Variants in SLC22A23 observed in about 807,000 individuals in gnomAD.
The protein encoded by SLC22A23 is ion transporter protein.
SLC22A23 carries 26 observed loss-of-function variants against 61.0 expected under a neutral mutation model. The ratio of observed to expected loss-of-function variants is 0.43; its 90% CI spans 0.31 to 0.59. The LOEUF is 0.59. Among genes scored for constraint, SLC22A23 ranks in the 20% least tolerant of loss-of-function variants. The pLI is 0.11. For missense variants in SLC22A23, 796 were observed against 934.7 expected (o/e 0.85, Z 1.94); for synonymous variants, 430 against 413.9 (o/e 1.04, Z -0.47).
chr6:3,435,961 C>A (rs1192124170), intron 1 of SLC22A23, among the ~76,000 whole-genome samples: 1 of 152,058 alleles, frequency 6.6e-6, no homozygotes, highest in Non-Finnish European at 1.5e-5. Flanking sequence ...AGAAACTGAC[C>A]CTGCCCACAC....
At chr6:3,409,398 T>C (rs1769053762) in intron 3 of SLC22A23, among the ~76,000 whole-genome samples, 1 of 152,244 alleles carries the variant, frequency 6.6e-6, no homozygotes, top group Non-Finnish European at 1.5e-5. Context: ...ACTATTCTTA[T>C]GTTGTCACAC....
chr6:3,396,793 C>A (rs12200343), intron 3 of SLC22A23, among the ~76,000 whole-genome samples: 132,769 of 152,198 alleles, frequency 0.87, 58,359 homozygotes, highest in African/African-American at 0.97. Flanking sequence ...CCAGGGAAAA[C>A]CCATCTCCCT....
In SLC22A23 at chr6:3,273,218, C is replaced by G; in HGVS notation, c.1898G>C (p.Gly633Ala). The G allele has an allele frequency of 6.2e-7, 1 of 1,613,116 alleles. No homozygotes were observed. The change falls in exon 10 of 10, where the codon GGG (glycine) becomes GCG (alanine). Residue 633 changes from glycine (G) to alanine (A), a missense_variant. Gly to Ala is a moderately conservative substitution (Grantham distance 60). Coordinates refer to ENST00000406686, the MANE Select transcript of SLC22A23 (RefSeq NM_015482.2). ...CAGCGGCTGGCGCGTGTAGTGCTCC[C>G]CGTTAGAAATGTTCTCAGGCAGGTT... ...DQNLPENISN[G>A]EHYTRQPLLP...
chr6:3,367,507 C>G (rs1414818950), intron 3 of SLC22A23, among the ~76,000 whole-genome samples: 4 of 152,316 alleles, frequency 2.6e-5, no homozygotes, highest in Admixed American at 1.3e-4. Flanking sequence ...TCCTTGGCAG[C>G]CTGGTCGTGA....
At position 3,324,167 on chromosome 6, in the gene SLC22A23, C is replaced by T. The variant is rs1382976556; in HGVS notation, c.914-165G>A. Reference sequence around the variant, plus strand: ...ATGTGGTGTGCCAGTGTTTTACGGGCGCGTTGAGGCTCCAACTGGGAAGGG... The same window carrying T: ...ATGTGGTGTGCCAGTGTTTTACGGGTGCGTTGAGGCTCCAACTGGGAAGGG... On this transcript the variant is annotated intron_variant, in intron 3 of 9. Coordinates refer to ENST00000406686, the MANE Select transcript of SLC22A23 (RefSeq NM_015482.2). This position sits in a 1 kb window ranked among gnomAD's most constrained non-coding sequence, Gnocchi z 4.3. 6.5e-6 allele frequency: 5 copies of T among 769,028 alleles called. No individual in the cohort carries two copies. The highest frequency in any genetic ancestry group is 3.8e-5 in the South Asian group (2 of 52,160). 47.6% of individuals were successfully genotyped at this position (769,028 alleles called of 1,614,324 possible). A position where few individuals can be genotyped will look rare whatever the true frequency, so the allele number is the denominator to read the frequency against.
intron 4 of SLC22A23, among the ~76,000 whole-genome samples, chr6:3,316,228 T>C (rs1257503163): frequency 1.3e-5 from 2 of 152,234 alleles, no homozygotes; most frequent in African/African-American, 2.4e-5. Context: ...TGAAGGTTTT[T>C]TCATTTATTG....
intron 3 of SLC22A23, among the ~76,000 whole-genome samples, chr6:3,363,911 C>G (rs1190865282): frequency 3.3e-5 from 5 of 152,186 alleles, no homozygotes; most frequent in African/African-American, 9.6e-5. Flanking sequence ...CTGACCCTCA[C>G]AGGCATGAGT....
chr6:3,432,688 G>A (rs948731532), intron 1 of SLC22A23, among the ~76,000 whole-genome samples: 1 of 152,204 alleles, frequency 6.6e-6, no homozygotes, highest in Non-Finnish European at 1.5e-5. Context: ...CATGCTTCCT[G>A]ATGAAGTGCA....
chr6:3,361,443 A>G (rs1208744258), intron 3 of SLC22A23, among the ~76,000 whole-genome samples: 1 of 152,184 alleles, frequency 6.6e-6, no homozygotes, highest in African/African-American at 2.4e-5. Context: ...GGTTAGGAGC[A>G]GGATGTCACA....
intron 6 of SLC22A23, 92 bp downstream of exon 6, chr6:3,289,672 C>T (rs888994220): frequency 1.4e-5 from 14 of 994,994 alleles, no homozygotes; most frequent in East Asian, 1.0e-4. Flanking sequence ...CCAAGTTCAG[C>T]GGGGTGGGGA....
At chr6:3,374,941 T>C (rs1561935528) in intron 3 of SLC22A23, among the ~76,000 whole-genome samples, 1 of 152,200 alleles carries the variant, frequency 6.6e-6, no homozygotes, top group Non-Finnish European at 1.5e-5. Context: ...TTAAGAACCA[T>C]TTCTAAAGAG....
At chr6:3,447,674 C>T (rs1350464414) in intron 1 of SLC22A23, among the ~76,000 whole-genome samples, 2 of 147,324 alleles carry the variant, frequency 1.4e-5, no homozygotes, top group South Asian at 2.2e-4. Flanking sequence ...CTGCAAGCTC[C>T]GCCTCCCGGG....
chr6:3,409,895 C>G (rs1769096024), intron 3 of SLC22A23, among the ~76,000 whole-genome samples: 1 of 152,138 alleles, frequency 6.6e-6, no homozygotes, highest in Admixed American at 6.5e-5. Flanking sequence ...CTGAAGAAAA[C>G]CGAAAGCCTC....
intron 1 of SLC22A23, among the ~76,000 whole-genome samples, chr6:3,447,452 G>T (rs1301901913): frequency 1.3e-5 from 2 of 152,100 alleles, no homozygotes; most frequent in African/African-American, 4.8e-5. Context: ...GCCTTCCCCA[G>T]AAGTCTCTAA....
At chr6:3,409,812 G>A (rs1004397028) in intron 3 of SLC22A23, among the ~76,000 whole-genome samples, 2 of 152,202 alleles carry the variant, frequency 1.3e-5, no homozygotes, top group Non-Finnish European at 2.9e-5. Flanking sequence ...TGAGAATGTG[G>A]AAAGTTTGGA....
intron 2 of SLC22A23, among the ~76,000 whole-genome samples, chr6:3,411,295 T>A (rs979422040): frequency 6.6e-6 from 1 of 152,166 alleles, no homozygotes; most frequent in African/African-American, 2.4e-5. Context: ...TGGATGCTAT[T>A]TGCCAGGAGA....
chr6:3,300,920 G>C (rs535092395), intron 4 of SLC22A23, among the ~76,000 whole-genome samples: 1 of 152,274 alleles, frequency 6.6e-6, no homozygotes, highest in East Asian at 1.9e-4. Context: ...ATGCAGGAGG[G>C]CCGTGTGGAA....
chr6:3,351,800 G>A (rs1224956657), intron 3 of SLC22A23, among the ~76,000 whole-genome samples: 2 of 152,226 alleles, frequency 1.3e-5, no homozygotes, highest in East Asian at 3.8e-4. Flanking sequence ...ATTCAGGACT[G>A]AGCCAGGAAA....
chr6:3,280,364 C>A (rs1376115933), intron 9 of SLC22A23, among the ~76,000 whole-genome samples: 1 of 152,234 alleles, frequency 6.6e-6, no homozygotes, highest in African/African-American at 2.4e-5. Flanking sequence ...ATCATCAGCA[C>A]CCTCCCCTCA....
Sources: allele counts gnomAD v4.1 joint callset (sites outside exome capture counted in the v4.1 genomes callset), GRCh38; gene constraint gnomAD v4.1.1; non-coding constraint Gnocchi (gnomAD v3.1); transcripts MANE v1.5; gene names NCBI Gene and HGNC (gene_info 2026-07-23, HGNC 2026-07-21).